Variants in DSN1 observed in about 807,000 individuals in gnomAD.
DSN1 encodes DSN1 component of MIS12 kinetochore complex, also known as kinetochore-associated protein DSN1 homolog.
DSN1 carries 31 observed loss-of-function variants against 45.7 expected under a neutral mutation model. The observed-to-expected ratio is 0.68, with a 90% CI of 0.51 to 0.92. The LOEUF (loss-of-function observed/expected upper bound fraction) is 0.92. Among genes scored for constraint, DSN1 ranks in the 40% least tolerant of loss-of-function variants. The pLI is 0.00. For missense variants in DSN1, 394 were observed against 414.2 expected, an observed-to-expected ratio of 0.95 and a Z score of 0.42; for synonymous variants, 134 against 142.3, an observed-to-expected ratio of 0.94 and a Z score of 0.41.
At position 36,752,825 on chromosome 20, in the gene DSN1, G is replaced by A; in HGVS notation, c.1034C>T (p.Pro345Leu). Residue 345 changes from proline (P) to leucine (L), a missense_variant, in exon 11 of 11, where the codon CCT (proline) becomes CTT (leucine). Physicochemically the swap from Pro to Leu is moderately conservative, Grantham distance 98 (BLOSUM62 -3). Coordinates refer to ENST00000373750, the MANE Select transcript of DSN1 (RefSeq NM_001145315.2). ...TCCAGATCCAGATCCATGTATGGCA[G>A]GTGGGTTCTGTAGCTGAAGCTTCAA... ...KLLKLQLQNPPAIHGSGSGSC... is the reference protein window; with the variant it reads ...KLLKLQLQNPLAIHGSGSGSC... The A allele has an allele frequency of 1.2e-6, 2 of 1,614,208 alleles. No individual in the cohort carries two copies. Among genetic ancestry groups the A allele is most frequent in the African/African-American group, 1.3e-5 (1 of 75,070 alleles).
At chr20:36,770,247 T>C (rs998635012) in intron 3 of DSN1, among the ~76,000 whole-genome samples, 22 of 151,930 alleles carry the variant, frequency 1.4e-4, no homozygotes, top group African/African-American at 5.3e-4. Flanking sequence ...TTTAAAAACT[T>C]TTTGTAGAGA....
rs1987440345 is a variant in DSN1 at position 36,767,991 on chromosome 20, C to T, written c.407G>A (p.Cys136Tyr). The T allele has an allele frequency of 1.9e-6, 3 of 1,614,034 alleles. No individual in the cohort carries two copies. Among genetic ancestry groups the T allele is most frequent in the African/African-American group, 1.3e-5 (1 of 74,924 alleles). ...TACCTGGAAACTGGAAAGCAGGAGA[C>T]AGCCAAGCCGTTTGCTTTCTGCTAA... ...VDLAESKRLG[C>Y]LLLSSFQFSI... The change falls in exon 4 of 11, where the codon TGT (cysteine) becomes TAT (tyrosine). Residue 136 changes from cysteine to tyrosine, a missense_variant. Transcript: ENST00000373750.
intron 6 of DSN1, among the ~76,000 whole-genome samples, chr20:36,761,853 A>G (rs1273488721): frequency 6.6e-6 from 1 of 151,188 alleles, no homozygotes; most frequent in African/African-American, 2.4e-5. Flanking sequence ...CTAAAAATAC[A>G]AAAAAATTAG....
chr20:36,755,570 T>G, intron 9 of DSN1, 112 bp downstream of exon 9: 1 of 1,274,618 alleles, frequency 7.8e-7, no homozygotes, highest in Non-Finnish European at 1.1e-6. Flanking sequence ...AAGGTAGAGT[T>G]GAATATACAT....
In DSN1 at chr20:36,753,366, T is replaced by A. The variant is rs1358987699; in HGVS notation, c.962-469A>T. Among the ~76,000 whole-genome samples, 11 of 146,558 alleles carry A rather than the reference T, an allele frequency of 7.5e-5. No homozygotes were observed. In the Admixed American group the frequency reaches 7.6e-4, roughly 10 times the overall value. ...AAAAAAAAAAAAAAAGGGTGGCTCA[T>A]GCCTGTAATCCCTGTAATCCCAACA... On this transcript the variant is annotated intron_variant, in intron 10 of 10. Coordinates refer to ENST00000373750, the MANE Select transcript of DSN1 (RefSeq NM_001145315.2).
chr20:36,754,779 C>T lies in DSN1; in HGVS notation c.945G>A (p.Lys315=), dbSNP rs140941590. 100 of 1,613,780 alleles carry T rather than the reference C, an allele frequency of 6.2e-5. 1 individual carries two copies. In the East Asian group the frequency reaches 1.3e-3, roughly 21 times the overall value. ...CAAGCTTACCGAGCTGTACTGACACCTTCTGGAAGCACTGGGTACTTTCAT... is the reference window on the plus strand; with the variant it reads ...CAAGCTTACCGAGCTGTACTGACACTTTCTGGAAGCACTGGGTACTTTCAT... ...FMDESTQCFQ[K]VSVQLGKRSM... Residue 315 remains lysine (K), a synonymous_variant, in exon 10 of 11, where the codon AAG becomes AAA. Coordinates refer to ENST00000373750, the MANE Select transcript of DSN1 (RefSeq NM_001145315.2).
intron 1 of DSN1, 134 bp downstream of exon 1, chr20:36,773,528 G>T (rs1004785623): frequency 5.1e-6 from 5 of 985,916 alleles, no homozygotes; most frequent in Non-Finnish European, 6.0e-6. Flanking sequence ...GTCCACGGTC[G>T]GGGCCGGGGC....
chr20:36,753,904 G>C lies in DSN1; in HGVS notation c.961+859C>G, dbSNP rs759801160. Among the ~76,000 whole-genome samples, 11 of 151,828 alleles carry C rather than the reference G, an allele frequency of 7.2e-5. 1 individual carries two copies. The highest frequency in any genetic ancestry group is 1.3e-4 in the Non-Finnish European group (9 of 67,978). ...GCCTGTAATCCCAGCTACTCGGGAG[G>C]CTGAGGCAGAAGAATCCCTTGAACC... is the stretch of plus-strand genomic sequence containing the variant. On this transcript the variant is annotated intron_variant, in intron 10 of 10. Transcript: ENST00000373750.
chr20:36,770,862 C>A lies in DSN1; in HGVS notation c.355+11G>T. On this transcript the variant is annotated intron_variant, in intron 3 of 10. Coordinates refer to ENST00000373750, the MANE Select transcript of DSN1 (RefSeq NM_001145315.2). ...CTGGAACCTCACTGTCTTGTGTACA[C>A]AGCACCCCACCTGTGATGCCCTGGT... 1 of 1,600,648 alleles carries A rather than the reference C, an allele frequency of 6.2e-7. No individual in the cohort carries two copies. Among genetic ancestry groups the A allele is most frequent in the South Asian group, 1.1e-5 (1 of 89,938 alleles).
At chr20:36,766,704 G>A (rs1355190297) in intron 5 of DSN1, 65 bp downstream of exon 5, 1 of 1,352,952 alleles carries the variant, frequency 7.4e-7, no homozygotes, top group Non-Finnish European at 1.0e-6. Context: ...TTCTGTAAAT[G>A]GGGATGCTGT....
At chr20:36,767,892 G>C in intron 4 of DSN1, 77 bp downstream of exon 4, 1 of 1,434,946 alleles carries the variant, frequency 7.0e-7, no homozygotes, top group East Asian at 2.3e-5. Flanking sequence ...ACAGAGTCAG[G>C]CTCCATCTAA....
chr20:36,765,642 C>T (rs1215789808), intron 5 of DSN1, among the ~76,000 whole-genome samples: 1 of 150,724 alleles, frequency 6.6e-6, no homozygotes, highest in African/African-American at 2.4e-5. Flanking sequence ...ACAAAAAATA[C>T]AAAAAATTAG....
At chr20:36,760,764 T>C (rs1986935484) in intron 6 of DSN1, among the ~76,000 whole-genome samples, 2 of 152,258 alleles carry the variant, frequency 1.3e-5, no homozygotes, top group South Asian at 4.2e-4. Context: ...GGCAGGTGCC[T>C]GTAATCCTAG....
chr20:36,770,958 T>A lies in DSN1; in HGVS notation c.270A>T (p.Gln90His). 6.2e-7 allele frequency: 1 copy of A among 1,614,240 alleles called. No individual in the cohort carries two copies. The highest frequency in any genetic ancestry group is 8.5e-7 in the Non-Finnish European group (1 of 1,180,052). ...CTCGCCGCCAGGATTGCCTCCTGTC[T>A]TGATAACTGGCAGATTGTTCTTGAG... is the stretch of plus-strand genomic sequence containing the variant. The part of the protein sequence containing the change: ...LSPQEQSASY[Q>H]DRRQSWRRAS... Residue 90 changes from glutamine (Q) to histidine (H), a missense_variant, in exon 3 of 11, where the codon CAA becomes CAT. Physicochemically the swap from Gln to His is conservative, Grantham distance 24. Transcript: ENST00000373750.
Sources: allele counts gnomAD v4.1 joint callset (sites outside exome capture counted in the v4.1 genomes callset), GRCh38; gene constraint gnomAD v4.1.1; transcripts MANE v1.5; gene names NCBI Gene and HGNC (gene_info 2026-07-23, HGNC 2026-07-21).